TCERG1L: variants seen among roughly 807,000 people sequenced by gnomAD.
The protein encoded by TCERG1L is transcription elongation regulator 1-like protein.
In TCERG1L, 37 loss-of-function variants were observed where a neutral mutation model predicts 56.3. The ratio of observed to expected loss-of-function variants is 0.66; its 90% CI spans 0.51 to 0.87. TCERG1L has a LOEUF of 0.87. Ranked by LOEUF, TCERG1L falls within the 40% of genes least tolerant of loss-of-function variation. The pLI, the probability that TCERG1L is intolerant of heterozygous loss-of-function variation, is 0.00. For missense variants in TCERG1L, 799 were observed against 774.2 expected (o/e 1.03, Z -0.38); for synonymous variants, 324 against 326.3 (o/e 0.99, Z 0.08).
At chr10:131,227,471 A>C (rs1564820444) in intron 4 of TCERG1L, among the ~76,000 whole-genome samples, 1 of 152,150 alleles carries the variant, frequency 6.6e-6, no homozygotes, top group Non-Finnish European at 1.5e-5. Context: ...GTGGGAGAAG[A>C]GCCACCGCCT....
chr10:131,187,181 C>G (rs1302447860), intron 4 of TCERG1L, among the ~76,000 whole-genome samples: 1 of 152,240 alleles, frequency 6.6e-6, no homozygotes, highest in East Asian at 1.9e-4. Flanking sequence ...CTACCAAAGA[C>G]AGTGACCTCA....
At chr10:131,106,343 G>T (rs1278668776) in intron 9 of TCERG1L, among the ~76,000 whole-genome samples, 1 of 152,172 alleles carries the variant, frequency 6.6e-6, no homozygotes, top group Non-Finnish European at 1.5e-5. Flanking sequence ...GGACACTAGT[G>T]GGACCCAGCA....
At chr10:131,164,983 A>G (rs1424729218) in intron 5 of TCERG1L, among the ~76,000 whole-genome samples, 2 of 152,242 alleles carry the variant, frequency 1.3e-5, no homozygotes, top group African/African-American at 2.4e-5. Context: ...GCACTGTGTC[A>G]GCTGCTTTCA....
At chr10:131,254,302 A>AATATAT (rs57689050) in intron 4 of TCERG1L, among the ~76,000 whole-genome samples, 8,611 of 142,692 alleles carry the variant, frequency 0.06, 409 homozygotes, top group African/African-American at 0.12. Flanking sequence ...ACTGGATTTA[A>AATATAT]ATATATATAT....
At chr10:131,215,206 A>G (rs1160491753) in intron 4 of TCERG1L, among the ~76,000 whole-genome samples, 2 of 152,322 alleles carry the variant, frequency 1.3e-5, no homozygotes, top group East Asian at 3.9e-4. Flanking sequence ...ACTATAAGTT[A>G]TCCAAGGCTC....
chr10:131,141,813 G>T (rs549150203), intron 7 of TCERG1L, among the ~76,000 whole-genome samples: 1 of 152,272 alleles, frequency 6.6e-6, no homozygotes, highest in East Asian at 1.9e-4. Context: ...GCATCCAGGA[G>T]CCTGGCTCAG....
At chr10:131,194,338 C>T (rs1212986407) in intron 4 of TCERG1L, among the ~76,000 whole-genome samples, 1 of 152,222 alleles carries the variant, frequency 6.6e-6, no homozygotes, top group East Asian at 1.9e-4. Context: ...CCTTCAGCAC[C>T]TTTCCAGGGA....
At position 131,166,799 on chromosome 10, in the gene TCERG1L, T is replaced by C; in HGVS notation, c.943A>G (p.Lys315Glu). The C allele has an allele frequency of 6.2e-7, 1 of 1,613,978 alleles. No individual in the cohort carries two copies. Among genetic ancestry groups the C allele is most frequent in the Non-Finnish European group, 8.5e-7 (1 of 1,179,888 alleles). The change falls in exon 5 of 12, where the codon AAG becomes GAG. Residue 315 changes from lysine (K) to glutamate (E), a missense_variant and splice_region_variant. By Grantham distance (56) the Lys-to-Glu change is moderately conservative. Coordinates refer to ENST00000368642, the MANE Select transcript of TCERG1L (RefSeq NM_174937.4). ...CACACACGAGCCCCGAAACTGACCT[T>C]GTCTTCTTTGTCTCCATCCCGGCTC... ...QKSRDGDKEDKEPPPMLGGGE... is the reference protein window; with the variant it reads ...QKSRDGDKEDEEPPPMLGGGE...
At chr10:131,272,071 C>T (rs901387569) in intron 3 of TCERG1L, among the ~76,000 whole-genome samples, 2 of 152,186 alleles carry the variant, frequency 1.3e-5, no homozygotes, top group African/African-American at 2.4e-5. Context: ...AGCAGGCACA[C>T]GGGGCTCTGA....
At chr10:131,174,458 G>C (rs1233073410) in intron 4 of TCERG1L, among the ~76,000 whole-genome samples, 3 of 152,104 alleles carry the variant, frequency 2.0e-5, no homozygotes, top group African/African-American at 4.8e-5. Context: ...AGGTCAGCCA[G>C]GGCTCCAGAG....
rs73396422 is a variant in TCERG1L at position 131,202,422 on chromosome 10, A to G, written c.857-35537T>C. On this transcript the variant is annotated intron_variant, in intron 4 of 11. Coordinates refer to ENST00000368642, the MANE Select transcript of TCERG1L (RefSeq NM_174937.4). ...CATGGTGAAACCCCATTACCACTAA[A>G]AATACAAAAATGAGCCAGGCGTGGT... 6.8e-3 allele frequency among the ~76,000 whole-genome samples: 1,035 copies of G among 152,188 alleles called. 9 individuals carry two copies. Among genetic ancestry groups the G allele is most frequent in the African/African-American group, 0.024 (984 of 41,504 alleles).
In TCERG1L at chr10:131,207,276, CAGG is replaced by C. The variant is rs1487555147; in HGVS notation, c.857-40394_857-40392del. 3.3e-5 allele frequency among the ~76,000 whole-genome samples: 5 copies of C among 151,990 alleles called. No homozygotes were observed. In the South Asian group the frequency reaches 8.3e-4, roughly 25 times the overall value. ...CTGTCCTGGGAGACCCCAGAGGTCACAGGAGCTTTCCAAATGGGCTGAAAGCCA... is the reference window on the plus strand; with the variant it reads ...CTGTCCTGGGAGACCCCAGAGGTCACAGCTTTCCAAATGGGCTGAAAGCCA... On this transcript the variant is annotated intron_variant, in intron 4 of 11. Transcript: ENST00000368642.
intron 6 of TCERG1L, among the ~76,000 whole-genome samples, chr10:131,159,704 C>CAA (rs5789071): frequency 0.59 from 90,072 of 151,756 alleles, 28,084 homozygotes; most frequent in African/African-American, 0.81. Flanking sequence ...CACCCCATGG[C>CAA]AGAGAGCTTT....
intron 4 of TCERG1L, among the ~76,000 whole-genome samples, chr10:131,208,752 T>G (rs1172498748): frequency 6.6e-6 from 1 of 152,174 alleles, no homozygotes; most frequent in Non-Finnish European, 1.5e-5. Context: ...GTGGCTCATC[T>G]CAGTCAAAAC....
chr10:131,215,948 C>A (rs1269637994), intron 4 of TCERG1L, among the ~76,000 whole-genome samples: 2 of 152,130 alleles, frequency 1.3e-5, no homozygotes, highest in Non-Finnish European at 2.9e-5. Context: ...AGAACTCACC[C>A]ACGAACGCGC....
Position 131,311,234 on chromosome 10 carries a change from G to C in TCERG1L, c.342+60C>G. On this transcript the variant is annotated intron_variant, in intron 1 of 11. Transcript: ENST00000368642. The surrounding 1 kb of genome is among the most constrained non-coding windows in gnomAD (Gnocchi z 4.0). ...CGGAGGCCAGAGCCGGGCCGGGCAG[G>C]GCGCGCCCAGGAGCAGGGGAGACGG... 8.5e-7 allele frequency: 1 copy of C among 1,175,190 alleles called. No homozygotes were observed. Among genetic ancestry groups the C allele is most frequent in the Non-Finnish European group, 1.1e-6 (1 of 946,564 alleles). 72.8% of individuals were successfully genotyped at this position (1,175,190 alleles called of 1,614,324 possible). A position where few individuals can be genotyped will look rare whatever the true frequency, so the allele number is the denominator to read the frequency against.
rs1845798539 is a variant in TCERG1L, at chr10:131,146,627, G to A, written c.1068C>T (p.Phe356=). The A allele has an allele frequency of 6.2e-7, 1 of 1,613,722 alleles. No homozygotes were observed. Among genetic ancestry groups the A allele is most frequent in the Non-Finnish European group, 8.5e-7 (1 of 1,179,758 alleles). ...ACAGGTGCATCGTTGGGTTGAAGAA[G>A]AAAACTCGGTCATCGCCCGTCCAGA... ...CVVWTGDDRV[F]FFNPTMHLSV... The change falls in exon 7 of 12, where the codon TTC becomes TTT. Residue 356 remains phenylalanine, a synonymous_variant. Coordinates refer to ENST00000368642, the MANE Select transcript of TCERG1L (RefSeq NM_174937.4).
intron 3 of TCERG1L, among the ~76,000 whole-genome samples, chr10:131,272,716 G>A (rs1846352619): frequency 6.6e-6 from 1 of 152,200 alleles, no homozygotes; most frequent in South Asian, 2.1e-4. Flanking sequence ...AGCGTGGATG[G>A]GGGTAGAGCC....
intron 4 of TCERG1L, among the ~76,000 whole-genome samples, chr10:131,254,157 A>G (rs981869368): frequency 6.6e-6 from 1 of 151,898 alleles, no homozygotes; most frequent in Non-Finnish European, 1.5e-5. Context: ...GGCCTCACAG[A>G]CTGGGAAGGC....
Sources: gnomAD v4.1 joint callset for allele counts (sites outside exome capture counted in the v4.1 genomes callset) on GRCh38, gnomAD v4.1.1 for gene constraint, Gnocchi (gnomAD v3.1) non-coding constraint, MANE v1.5 for transcripts, NCBI Gene and HGNC (gene_info 2026-07-23, HGNC 2026-07-21) for gene names.